CASZ1: variants seen among roughly 807,000 people sequenced by gnomAD.
CASZ1 encodes zinc finger protein castor homolog 1.
Under a neutral mutation model 135.2 loss-of-function variants are expected in CASZ1, and 28 were observed. The ratio of observed to expected loss-of-function variants is 0.21; its 90% CI spans 0.15 to 0.28. CASZ1 has a LOEUF of 0.28. Ranked by LOEUF, CASZ1 falls within the 10% of genes least tolerant of loss-of-function variation. The probability of loss-of-function intolerance (pLI) is 1.00; values close to 1 mark genes in which losing one functional copy is unlikely to be tolerated. For synonymous variants in CASZ1, 1,068 were observed against 1,073.4 expected, an observed-to-expected ratio of 0.99 and a Z score of 0.10; for missense variants, 2,161 against 2,453.3, an observed-to-expected ratio of 0.88 and a Z score of 2.52.
At chr1:10,650,395 T>G (rs1056582475) in intron 13 of CASZ1, 1 of 210,390 alleles carries the variant, frequency 4.8e-6, no homozygotes, top group Admixed American at 5.8e-5. Flanking sequence ...TAAATAAAAT[T>G]AATAACGAGG....
intron 2 of CASZ1, among the ~76,000 whole-genome samples, chr1:10,734,974 A>G (rs1639769816): frequency 6.6e-6 from 1 of 152,162 alleles, no homozygotes; most frequent in Admixed American, 6.5e-5. Context: ...GGCTTTCCAG[A>G]GGCATCCCTT....
chr1:10,787,567 A>G (rs1166250062), intron 1 of CASZ1, among the ~76,000 whole-genome samples: 1 of 152,202 alleles, frequency 6.6e-6, no homozygotes, highest in Non-Finnish European at 1.5e-5. Context: ...GTACTCTGCC[A>G]GCAATTAGTG....
rs1570399877 is a variant in CASZ1 at position 10,644,854 on chromosome 1, C to A, written c.3868+63G>T. 1.4e-5 allele frequency: 21 copies of A among 1,536,176 alleles called. No homozygotes were observed. The East Asian group carries it at 4.5e-4, about 33-fold the overall frequency. On this transcript the variant is annotated intron_variant, in intron 18 of 20. Transcript: ENST00000377022. ...CGGGTACCAGGAGAGGCGGCCCAGGCCACGGGGGCCATGGTCTTGATGCCT... is the reference window on the plus strand; with the variant it reads ...CGGGTACCAGGAGAGGCGGCCCAGGACACGGGGGCCATGGTCTTGATGCCT...
In CASZ1 at chr1:10,665,564, G is replaced by A; in HGVS notation, c.24C>T (p.Gly8=). MDLGTAE[G]TRCTDPPAGK... ...CTGCAGGCGGGTCCGTGCACCGGGTGCCCTCAGCTGCAGGGATGGAGGAGA... is the reference window on the plus strand; with the variant it reads ...CTGCAGGCGGGTCCGTGCACCGGGTACCCTCAGCTGCAGGGATGGAGGAGA... Residue 8 remains glycine, a synonymous_variant, in exon 5 of 21, where the codon GGC becomes GGT. Transcript: ENST00000377022. 1 of 1,558,192 alleles carries A rather than the reference G, an allele frequency of 6.4e-7. No homozygotes were observed. Among genetic ancestry groups the A allele is most frequent in the Non-Finnish European group, 8.6e-7 (1 of 1,157,920 alleles).
chr1:10,652,215 C>G (rs866928978), intron 11 of CASZ1: 1 of 152,282 alleles, frequency 6.6e-6, no homozygotes, highest in Middle Eastern at 3.2e-3. Context: ...CCACAGGGAC[C>G]CTCAGTCTTG....
intron 1 of CASZ1, among the ~76,000 whole-genome samples, chr1:10,785,131 TC>T (rs1640834508): frequency 4.2e-5 from 1 of 23,560 alleles, no homozygotes; most frequent in Non-Finnish European, 1.8e-4. Context: ...TTTCCTTTCT[TC>T]CTTCCTTCCT....
chr1:10,788,619 A>T lies in CASZ1; in HGVS notation c.-234+7945T>A, dbSNP rs1240576257. Among the ~76,000 whole-genome samples, 1 of 152,180 alleles carries T rather than the reference A, an allele frequency of 6.6e-6. No individual in the cohort carries two copies. Among genetic ancestry groups the T allele is most frequent in the East Asian group, 1.9e-4 (1 of 5,186 alleles). On this transcript the variant is annotated intron_variant, in intron 1 of 20. Transcript: ENST00000377022. This position sits in a 1 kb window ranked among gnomAD's most constrained non-coding sequence, Gnocchi z 4.1. The stretch of plus-strand genomic sequence containing the variant: ...AAACCAAGGCTCAGCAGTGCCTCAC[A>T]CCCAGGTGGCCAAGGATGGAACAGG...
chr1:10,767,481 C>T lies in CASZ1; in HGVS notation c.-233-6624G>A, dbSNP rs1275280603. ...GGGGCGATGGGAGCACAGGCTTCCC[C>T]TATTGCAAAGCCAGGCCCAGGGAGG... On this transcript the variant is annotated intron_variant, in intron 1 of 20. Transcript: ENST00000377022. The surrounding 1 kb of genome is among the most constrained non-coding windows in gnomAD (Gnocchi z 4.2). Among the ~76,000 whole-genome samples the T allele has an allele frequency of 1.3e-5, 2 of 152,192 alleles. No homozygotes were observed. Among genetic ancestry groups the T allele is most frequent in the African/African-American group, 4.8e-5 (2 of 41,460 alleles).
chr1:10,694,723 A>C lies in CASZ1; in HGVS notation c.-23-811T>G, dbSNP rs1218796761. Among the ~76,000 whole-genome samples the C allele has an allele frequency of 7.1e-6, 1 of 139,976 alleles. No homozygotes were observed. The highest frequency in any genetic ancestry group is 7.0e-5 in the Admixed American group (1 of 14,358). The allele number at this position is 139,976 out of a possible 152,430, so 91.8% of individuals were successfully genotyped here. ...CCCCCGCCGCGCGCGCCCGCGCCGC[A>C]CTGGCAGGGCGGCCGGCTCCATTGG... On this transcript the variant is annotated intron_variant, in intron 3 of 20. Transcript: ENST00000377022. The surrounding 1 kb of genome is among the most constrained non-coding windows in gnomAD (Gnocchi z 6.6).
intron 4 of CASZ1, among the ~76,000 whole-genome samples, chr1:10,675,372 C>T (rs1354729846): frequency 3.9e-5 from 6 of 151,928 alleles, no homozygotes; most frequent in East Asian, 1.9e-4. Context: ...CCAGAAACCC[C>T]GAGGCAAGGC....
At chr1:10,771,511 C>A (rs1163344955) in intron 1 of CASZ1, among the ~76,000 whole-genome samples, 5 of 119,728 alleles carry the variant, frequency 4.2e-5, no homozygotes. Context: ...AAAAATCATG[C>A]AATTAAAGTG....
intron 4 of CASZ1, among the ~76,000 whole-genome samples, chr1:10,670,118 T>C (rs1278582604): frequency 2.0e-5 from 3 of 152,150 alleles, no homozygotes; most frequent in Non-Finnish European, 4.4e-5. Context: ...GCCTTCCCAC[T>C]GCCAGGCAGC....
chr1:10,764,829 G>T (rs539477904), intron 1 of CASZ1, among the ~76,000 whole-genome samples: 7 of 152,190 alleles, frequency 4.6e-5, no homozygotes, highest in Non-Finnish European at 1.0e-4. Context: ...GGCTGAAAAG[G>T]GGGGAAAGCG....
At chr1:10,761,296 C>T in intron 1 of CASZ1, among the ~76,000 whole-genome samples, 1 of 152,234 alleles carries the variant, frequency 6.6e-6, no homozygotes, top group East Asian at 1.9e-4. Context: ...ACGCCTGCTC[C>T]CTCCAGACTT....
intron 4 of CASZ1, among the ~76,000 whole-genome samples, chr1:10,677,344 G>C (rs1273572010): frequency 6.6e-6 from 1 of 152,210 alleles, no homozygotes; most frequent in African/African-American, 2.4e-5. Context: ...CAAGGCAGAG[G>C]GTGTCTGGGT....
intron 2 of CASZ1, among the ~76,000 whole-genome samples, chr1:10,743,372 C>T (rs1639965468): frequency 6.6e-6 from 1 of 150,976 alleles, no homozygotes; most frequent in African/African-American, 2.4e-5. Flanking sequence ...TCCAAGTACC[C>T]CCACTCAGAC....
rs555746014 is a variant in CASZ1, at chr1:10,666,889, G to T, written c.17-1318C>A. Among the ~76,000 whole-genome samples the T allele has an allele frequency of 6.6e-6, 1 of 152,354 alleles. No homozygotes were observed. The highest frequency in any genetic ancestry group is 1.9e-4 in the East Asian group (1 of 5,188). ...CTCCTTCTGTGGGCCAGACCCTGTG[G>T]TGGGGCTTGGGGACAGCGCAGTGGC... is the stretch of plus-strand genomic sequence containing the variant. On this transcript the variant is annotated intron_variant, in intron 4 of 20. Coordinates refer to ENST00000377022, the MANE Select transcript of CASZ1 (RefSeq NM_001079843.3). The surrounding 1 kb of genome is among the most constrained non-coding windows in gnomAD (Gnocchi z 5.2).
In CASZ1 at chr1:10,665,456, C is replaced by T. The variant is rs1395161946; in HGVS notation, c.132G>A (p.Val44=). The change falls in exon 5 of 21, where the codon GTG becomes GTA. Residue 44 remains valine, a synonymous_variant. Coordinates refer to ENST00000377022, the MANE Select transcript of CASZ1 (RefSeq NM_001079843.3). ...GGGAGCCGGCGTCAGCTCGCTTCTC[C>T]ACCACCACCTGGCGGCTCAGCTTGG... is the stretch of plus-strand genomic sequence containing the variant. The part of the protein sequence containing the change: ...ICAKLSRQVV[V]EKRADAGSHT... The T allele has an allele frequency of 6.2e-7, 1 of 1,610,136 alleles. No individual in the cohort carries two copies. Among genetic ancestry groups the T allele is most frequent in the Non-Finnish European group, 8.5e-7 (1 of 1,179,516 alleles).
intron 4 of CASZ1, among the ~76,000 whole-genome samples, chr1:10,686,298 A>G (rs1314130323): frequency 6.6e-6 from 1 of 152,178 alleles, no homozygotes; most frequent in African/African-American, 2.4e-5. Flanking sequence ...AAGTTGGCAG[A>G]AAAAAAATTC....
Sources: allele counts gnomAD v4.1 joint callset (sites outside exome capture counted in the v4.1 genomes callset), GRCh38; gene constraint gnomAD v4.1.1; non-coding constraint Gnocchi (gnomAD v3.1); transcripts MANE v1.5; gene names NCBI Gene and HGNC (gene_info 2026-07-23, HGNC 2026-07-21).